CD82: variants seen among roughly 807,000 people sequenced by gnomAD.
The protein encoded by CD82 is CD82 molecule, also known as CD82 antigen.
CD82 carries 36 observed loss-of-function variants against 37.4 expected under a neutral mutation model. The ratio of observed to expected loss-of-function variants is 0.96; its 90% CI spans 0.74 to 1.27. CD82 has a LOEUF of 1.27. Ranked by LOEUF, CD82 falls within the 50% of genes most tolerant of loss-of-function variation. The pLI is 0.00. For synonymous variants in CD82, 158 were observed against 137.4 expected (o/e 1.15, Z -1.05); for missense variants, 340 against 347.0 (o/e 0.98, Z 0.16).
At chr11:44,608,137 C>G (rs902205472) in intron 6 of CD82, 6 of 152,184 alleles carry the variant, frequency 3.9e-5, no homozygotes, top group Non-Finnish European at 8.8e-5. Context: ...CATCATAAAT[C>G]TCAGTGGAAG....
At position 44,618,623 on chromosome 11, in the gene CD82, G is replaced by C; in HGVS notation, c.643-17G>C. 6.3e-7 allele frequency: 1 copy of C among 1,598,284 alleles called. No homozygotes were observed. Among genetic ancestry groups the C allele is most frequent in the Non-Finnish European group, 8.5e-7 (1 of 1,170,970 alleles). ...TGGTGCAGAGCGGGGTGATGTGACC[G>C]CATTCTGCCCTTGCAGGGCTGCATG... On this transcript the variant is annotated splice_polypyrimidine_tract_variant and intron_variant, in intron 8 of 9. Coordinates refer to ENST00000227155, the MANE Select transcript of CD82 (RefSeq NM_002231.4).
chr11:44,611,137 A>C (rs961482859), intron 6 of CD82, among the ~76,000 whole-genome samples: 1 of 152,066 alleles, frequency 6.6e-6, no homozygotes, highest in African/African-American at 2.4e-5. Context: ...GCCCAGCTGA[A>C]ATTCTTAATA....
chr11:44,595,561 C>T (rs577708064), intron 3 of CD82, among the ~76,000 whole-genome samples: 12 of 152,088 alleles, frequency 7.9e-5, no homozygotes, highest in East Asian at 1.9e-4. Flanking sequence ...TTTAAATGTA[C>T]GTATTCATTA....
intron 1 of CD82, among the ~76,000 whole-genome samples, chr11:44,572,051 G>A (rs557061347): frequency 6.6e-6 from 1 of 152,304 alleles, no homozygotes; most frequent in Admixed American, 6.5e-5. Context: ...CTTGGCTTTT[G>A]TAAGTGAGGC....
At chr11:44,583,732 A>G (rs1041643105) in intron 1 of CD82, among the ~76,000 whole-genome samples, 2 of 152,230 alleles carry the variant, frequency 1.3e-5, no homozygotes, top group Non-Finnish European at 2.9e-5. Flanking sequence ...TATCTGTTAA[A>G]TGGGGATAAT....
chr11:44,605,447 T>G lies in CD82; in HGVS notation c.336+18T>G. The G allele has an allele frequency of 2.5e-6, 4 of 1,610,886 alleles. No homozygotes were observed. The highest frequency in any genetic ancestry group is 3.4e-6 in the Non-Finnish European group (4 of 1,177,176). The stretch of plus-strand genomic sequence containing the variant: ...TGGGCAAGGTAAGCCCCTCTCTCCC[T>G]CCCTCTTCACTGGGCTGGACCAACC... On this transcript the variant is annotated intron_variant, in intron 6 of 9. Transcript: ENST00000227155.
intron 1 of CD82, among the ~76,000 whole-genome samples, chr11:44,586,046 G>T (rs1194338989): frequency 2.0e-5 from 3 of 152,178 alleles, no homozygotes; most frequent in Admixed American, 2.0e-4. Flanking sequence ...CCCCAGGCCT[G>T]CCTGCACCCC....
chr11:44,565,419 G>A (rs1158111260), upstream of CD82, among the ~76,000 whole-genome samples: 1 of 151,890 alleles, frequency 6.6e-6, no homozygotes, highest in African/African-American at 2.4e-5. Flanking sequence ...CGGGGCTGCC[G>A]GGATAGAGGA....
intron 1 of CD82, chr11:44,566,249 C>G (rs759735788): frequency 2.6e-5 from 4 of 152,392 alleles, no homozygotes; most frequent in Admixed American, 2.6e-4. Flanking sequence ...TCCCGCCTCA[C>G]CTGCTTCCCA....
At chr11:44,615,074 C>T (rs1048129675) in intron 6 of CD82, among the ~76,000 whole-genome samples, 198 bp from the exon 7 acceptor site, 4 of 152,126 alleles carry the variant, frequency 2.6e-5, no homozygotes, top group South Asian at 2.1e-4. Context: ...TGCTGCCAAG[C>T]GCAGAAGAGA....
intron 2 of CD82, among the ~76,000 whole-genome samples, chr11:44,591,835 T>C (rs1447243838): frequency 2.6e-5 from 4 of 151,368 alleles, no homozygotes; most frequent in Non-Finnish European, 4.4e-5. Flanking sequence ...TTGTTTTTAT[T>C]TTTTTTGAGA....
intron 7 of CD82, 116 bp from the exon 8 acceptor site, chr11:44,618,046 G>A (rs1853590436): frequency 1.3e-6 from 1 of 798,752 alleles, no homozygotes. Context: ...CTGGGACCAG[G>A]GGCCTGGAAG....
rs1309657220 is a variant in CD82, at chr11:44,607,511, CTAT to C, written c.336+2083_336+2085del. 6.6e-5 allele frequency among the ~76,000 whole-genome samples: 10 copies of C among 152,326 alleles called. No homozygotes were observed. In the South Asian group the frequency reaches 2.1e-3, roughly 32 times the overall value. On this transcript the variant is annotated intron_variant, in intron 6 of 9. Coordinates refer to ENST00000227155, the MANE Select transcript of CD82 (RefSeq NM_002231.4). ...GAACCAGGCCCCAGTGAGCCGGTTTCTATGACTCAGAAGCTGGTCGCCTCTGCA... is the reference window on the plus strand; with the variant it reads ...GAACCAGGCCCCAGTGAGCCGGTTTCGACTCAGAAGCTGGTCGCCTCTGCA...
intron 1 of CD82, among the ~76,000 whole-genome samples, chr11:44,572,590 C>T (rs1852829139): frequency 6.6e-6 from 1 of 151,448 alleles, no homozygotes; most frequent in Non-Finnish European, 1.5e-5. Context: ...GTAGGAGCGT[C>T]CATTGTCCGC....
At chr11:44,607,567 A>G (rs1480940158) in intron 6 of CD82, among the ~76,000 whole-genome samples, 1 of 152,210 alleles carries the variant, frequency 6.6e-6, no homozygotes, top group African/African-American at 2.4e-5. Context: ...ACCCTATGTG[A>G]TTCACCATCT....
In CD82 at chr11:44,569,483, G is replaced by A. The variant is rs146539547; in HGVS notation, c.-103+3747G>A. On this transcript the variant is annotated intron_variant, in intron 1 of 9. Coordinates refer to ENST00000227155, the MANE Select transcript of CD82 (RefSeq NM_002231.4). ...GCTGTGTGTATGTTGTGTGACCTTA[G>A]ATAAGTTCCTTCTCTCTGGGATTCC... Among the ~76,000 whole-genome samples the A allele has an allele frequency of 5.0e-3, 754 of 152,308 alleles. 11 individuals are homozygous for A. Among genetic ancestry groups the A allele is most frequent in the Non-Finnish European group, 5.5e-3 (371 of 68,020 alleles).
intron 6 of CD82, among the ~76,000 whole-genome samples, chr11:44,613,565 G>A (rs911161757): frequency 6.6e-6 from 1 of 152,188 alleles, no homozygotes; most frequent in African/African-American, 2.4e-5. Flanking sequence ...TCTCAGGCCT[G>A]TAATCCCAGC....
intron 3 of CD82, among the ~76,000 whole-genome samples, chr11:44,595,371 G>T (rs144157905): frequency 6.6e-6 from 1 of 152,164 alleles, no homozygotes; most frequent in Non-Finnish European, 1.5e-5. Context: ...CCTTGGAGTT[G>T]CTGGGATGGT....
At chr11:44,571,515 A>G (rs1852814362) in intron 1 of CD82, among the ~76,000 whole-genome samples, 1 of 152,222 alleles carries the variant, frequency 6.6e-6, no homozygotes, top group Non-Finnish European at 1.5e-5. Flanking sequence ...CATTTAAGAC[A>G]GCGCCTGGCA....
Sources: gnomAD v4.1 joint callset for allele counts (sites outside exome capture counted in the v4.1 genomes callset) on GRCh38, gnomAD v4.1.1 for gene constraint, MANE v1.5 for transcripts, NCBI Gene and HGNC (gene_info 2026-07-23, HGNC 2026-07-21) for gene names.